Variants in ATG10 observed in about 807,000 individuals in gnomAD.
The protein encoded by ATG10 is autophagy related 10.
ATG10 carries 30 observed loss-of-function variants against 32.1 expected under a neutral mutation model. That is an observed-to-expected ratio of 0.94 (90% CI 0.70 to 1.27). The LOEUF (loss-of-function observed/expected upper bound fraction) is 1.27. ATG10 is among the 50% of genes most tolerant of loss of function. ATG10 has a pLI of 0.00. For synonymous variants in ATG10, 87 were observed against 91.5 expected (o/e 0.95, Z 0.28); for missense variants, 233 against 262.3 (o/e 0.89, Z 0.77).
Position 82,189,692 on chromosome 5 carries a change from C to T in ATG10, c.453+11105C>T, listed in dbSNP as rs576919076. ...AGACTGGAGTGCAGTGGCACAATCTCGGCTGACTGTAACCTCCGCCTTCTG... is the reference window on the plus strand; with the variant it reads ...AGACTGGAGTGCAGTGGCACAATCTTGGCTGACTGTAACCTCCGCCTTCTG... On this transcript the variant is annotated intron_variant, in intron 5 of 7. Transcript: ENST00000282185. 1.2e-3 allele frequency among the ~76,000 whole-genome samples: 184 copies of T among 152,244 alleles called. 2 individuals are homozygous for T. The highest frequency in any genetic ancestry group is 2.4e-3 in the Admixed American group (36 of 15,284).
At chr5:82,052,886 G>A (rs59819501) in intron 2 of ATG10, among the ~76,000 whole-genome samples, 34,473 of 152,090 alleles carry the variant, frequency 0.23, 4,132 homozygotes, top group African/African-American at 0.3. Flanking sequence ...AATCTTCACT[G>A]ATGGAAATTT....
At chr5:82,243,415 C>T (rs987911649) in intron 5 of ATG10, among the ~76,000 whole-genome samples, 7 of 151,898 alleles carry the variant, frequency 4.6e-5, no homozygotes, top group Admixed American at 3.3e-4. Flanking sequence ...TTTAAAAATC[C>T]GTCTATGTTC....
At chr5:82,206,419 G>A (rs934458920) in intron 5 of ATG10, among the ~76,000 whole-genome samples, 2 of 151,908 alleles carry the variant, frequency 1.3e-5, no homozygotes, top group African/African-American at 2.4e-5. Context: ...AGGCTGAGGC[G>A]GGCGGATCAC....
At chr5:82,196,500 A>C (rs1744856123) in intron 5 of ATG10, among the ~76,000 whole-genome samples, 1 of 152,076 alleles carries the variant, frequency 6.6e-6, no homozygotes, top group Admixed American at 6.6e-5. Flanking sequence ...GTCTTCTAAG[A>C]GTTTTATGGT....
intron 3 of ATG10, among the ~76,000 whole-genome samples, chr5:82,128,876 C>T (rs1766392610): frequency 6.6e-6 from 1 of 151,436 alleles, no homozygotes; most frequent in Admixed American, 6.6e-5. Flanking sequence ...GTGGTGTTCT[C>T]TGTATTTCCT....
intron 5 of ATG10, among the ~76,000 whole-genome samples, chr5:82,180,595 T>C (rs114574111): frequency 1.3e-3 from 203 of 152,260 alleles, no homozygotes; most frequent in African/African-American, 4.5e-3. Context: ...GGCCACAAAC[T>C]GTACAAAAAT....
intron 3 of ATG10, among the ~76,000 whole-genome samples, chr5:82,062,306 A>C (rs1763810750): frequency 6.6e-6 from 1 of 151,938 alleles, no homozygotes; most frequent in Non-Finnish European, 1.5e-5. Context: ...CTTCCAGTCA[A>C]CTCCAGTGTT....
chr5:82,154,267 G>A (rs935713754), intron 3 of ATG10, among the ~76,000 whole-genome samples: 3 of 152,100 alleles, frequency 2.0e-5, no homozygotes, highest in African/African-American at 7.2e-5. Context: ...TGCTGCAGTG[G>A]CAAAGTTGAG....
At chr5:81,988,198 A>T (rs569716265) in intron 2 of ATG10, among the ~76,000 whole-genome samples, 1 of 152,310 alleles carries the variant, frequency 6.6e-6, no homozygotes, top group East Asian at 1.9e-4. Context: ...GTGCAGTGGC[A>T]TGATCTTGGC....
At chr5:82,058,667 T>C in intron 3 of ATG10, 65 bp downstream of exon 3, 1 of 1,076,946 alleles carries the variant, frequency 9.3e-7, no homozygotes. Context: ...AAATGTATAC[T>C]TTAATGACTC....
At chr5:82,227,709 T>C (rs1047617750) in intron 5 of ATG10, among the ~76,000 whole-genome samples, 2 of 151,982 alleles carry the variant, frequency 1.3e-5, no homozygotes, top group Non-Finnish European at 2.9e-5. Flanking sequence ...ATATATAGGG[T>C]AGTGGTTAAG....
chr5:82,139,970 C>T (rs1767009298), intron 3 of ATG10, among the ~76,000 whole-genome samples: 1 of 131,918 alleles, frequency 7.6e-6, no homozygotes, highest in South Asian at 2.5e-4. Flanking sequence ...GGCCAGCCGC[C>T]CCGTCAGGGA....
intron 3 of ATG10, among the ~76,000 whole-genome samples, chr5:82,076,617 T>C (rs1027628570): frequency 6.6e-6 from 1 of 152,174 alleles, no homozygotes; most frequent in South Asian, 2.1e-4. Flanking sequence ...ATTATAGTAA[T>C]ATTCTCAGGA....
intron 5 of ATG10, among the ~76,000 whole-genome samples, chr5:82,230,943 A>G (rs568059921): frequency 6.6e-6 from 1 of 152,256 alleles, no homozygotes; most frequent in South Asian, 2.1e-4. Context: ...GTATATATTC[A>G]CTATGTGCAT....
intron 5 of ATG10, among the ~76,000 whole-genome samples, chr5:82,194,839 A>G (rs1413799809): frequency 6.6e-6 from 1 of 152,198 alleles, no homozygotes; most frequent in Admixed American, 6.5e-5. Context: ...CTCCCTTGGA[A>G]TCAGAAAATG....
At chr5:81,982,652 G>C (rs1761087946) in intron 1 of ATG10, among the ~76,000 whole-genome samples, 1 of 152,056 alleles carries the variant, frequency 6.6e-6, no homozygotes, top group Admixed American at 6.5e-5. Context: ...TGGAGGGAAG[G>C]TCAGCAGATA....
intron 5 of ATG10, among the ~76,000 whole-genome samples, chr5:82,185,647 A>C (rs1258166396): frequency 2.0e-5 from 3 of 152,242 alleles, no homozygotes; most frequent in Non-Finnish European, 2.9e-5. Context: ...ACAACAAAAA[A>C]AACATACTCC....
intron 2 of ATG10, among the ~76,000 whole-genome samples, chr5:82,037,856 A>G (rs1488145934): frequency 2.0e-5 from 3 of 152,166 alleles, no homozygotes; most frequent in East Asian, 1.9e-4. Context: ...TTGCATTTCT[A>G]TTGTAACTCT....
chr5:82,105,753 G>C (rs967361226), intron 3 of ATG10, among the ~76,000 whole-genome samples: 10 of 152,088 alleles, frequency 6.6e-5, no homozygotes, highest in Non-Finnish European at 8.8e-5. Context: ...CACCAGCCAG[G>C]CTTTGATTTT....
Sources: allele counts gnomAD v4.1 joint callset (sites outside exome capture counted in the v4.1 genomes callset), GRCh38; gene constraint gnomAD v4.1.1; transcripts MANE v1.5; gene names NCBI Gene and HGNC (gene_info 2026-07-23, HGNC 2026-07-21).